The following TAB2 variants were observed in gnomAD, a reference collection of about 807,000 sequenced individuals.
TAB2 encodes the protein TGF-beta-activated kinase 1 and MAP3K7-binding protein 2.
In TAB2, 3 loss-of-function variants were observed where a neutral mutation model predicts 65.0. That is an observed-to-expected ratio of 0.05 (90% CI 0.02 to 0.12). TAB2 has a LOEUF of 0.12. TAB2 is among the 10% of genes least tolerant of loss of function. The probability of loss-of-function intolerance (pLI) is 1.00; values close to 1 mark genes in which losing one functional copy is unlikely to be tolerated. For synonymous variants in TAB2, 298 were observed against 285.1 expected (o/e 1.05, Z -0.46); for missense variants, 623 against 840.3 (o/e 0.74, Z 3.20).
intron 1 of TAB2, among the ~76,000 whole-genome samples, chr6:149,223,658 A>G (rs950492440): frequency 3.9e-5 from 6 of 152,194 alleles, no homozygotes; most frequent in East Asian, 1.9e-4. Flanking sequence ...CTACCGTTTT[A>G]GAGAGTTCTC....
intron 6 of TAB2, among the ~76,000 whole-genome samples, chr6:149,401,999 A>G (rs79003392): frequency 1.3e-3 from 105 of 82,332 alleles, no homozygotes; most frequent in Middle Eastern, 0.011. Flanking sequence ...ATACTACATT[A>G]AAAAAAAAAA....
upstream of TAB2, among the ~76,000 whole-genome samples, chr6:149,317,014 C>T (rs1308206871): frequency 6.6e-6 from 1 of 150,636 alleles, no homozygotes; most frequent in African/African-American, 2.4e-5. This position sits in a 1 kb window ranked among gnomAD's most constrained non-coding sequence, Gnocchi z 4.7. Context: ...CCCACCTGCT[C>T]CTCTCGGCCG....
rs79288259 is a variant in TAB2, at chr6:149,232,649, G to T, written c.-121+13873G>T. Among the ~76,000 whole-genome samples, 581 of 152,302 alleles carry T rather than the reference G, an allele frequency of 3.8e-3. 2 individuals carry two copies. The highest frequency in any genetic ancestry group is 6.3e-3 in the Non-Finnish European group (431 of 68,022). The stretch of plus-strand genomic sequence containing the variant: ...ATGCCTTGTTCAAACCATAGAAGTG[G>T]GGGGAGGGTATCACTGAACTGGATA... On this transcript the variant is annotated intron_variant, in intron 1 of 1. Coordinates refer to the TAB2 transcript ENST00000606202.
intron 1 of TAB2, chr6:149,257,465 A>G (rs570490567): frequency 1.2e-4 from 18 of 151,878 alleles, no homozygotes; most frequent in African/African-American, 4.3e-4. Flanking sequence ...CTTTAAAATG[A>G]CTCTGCTTTT....
At chr6:149,279,931 T>A (rs954384899) in intron 1 of TAB2, among the ~76,000 whole-genome samples, 1 of 152,196 alleles carries the variant, frequency 6.6e-6, no homozygotes, top group Non-Finnish European at 1.5e-5. Flanking sequence ...GATCTGGAAA[T>A]CAGTTTGACC....
intron 3 of TAB2, among the ~76,000 whole-genome samples, chr6:149,392,525 C>T (rs1296308903): frequency 1.3e-5 from 2 of 152,190 alleles, no homozygotes; most frequent in Non-Finnish European, 2.9e-5. Flanking sequence ...TTTCCTAACT[C>T]CTGCCTTCTG....
chr6:149,384,128 C>T (rs1019949147), intron 3 of TAB2, among the ~76,000 whole-genome samples: 1 of 152,106 alleles, frequency 6.6e-6, no homozygotes, highest in African/African-American at 2.4e-5. Flanking sequence ...TTTTCTAATG[C>T]TCCTGGAAAT....
At chr6:149,326,667 C>G (rs144041359) in intron 1 of TAB2, among the ~76,000 whole-genome samples, 2,393 of 152,078 alleles carry the variant, frequency 0.016, 52 homozygotes, top group South Asian at 0.097. Context: ...CCTGCCTCAG[C>G]GTCCTGAGTA....
At chr6:149,363,006 C>T (rs1780904648) in intron 1 of TAB2, among the ~76,000 whole-genome samples, 1 of 152,148 alleles carries the variant, frequency 6.6e-6, no homozygotes, top group Non-Finnish European at 1.5e-5. Context: ...TAATATTCTA[C>T]AGTTTTTTAA....
intron 2 of TAB2, 23 bp from the exon 3 acceptor site, chr6:149,377,995 A>G (rs773051382): frequency 3.6e-5 from 57 of 1,601,376 alleles, no homozygotes; most frequent in Non-Finnish European, 1.7e-6. Flanking sequence ...GTTAACATCA[A>G]TCAATTTATT....
intron 1 of TAB2, among the ~76,000 whole-genome samples, chr6:149,325,892 A>G (rs1779601874): frequency 1.3e-5 from 2 of 152,182 alleles, no homozygotes; most frequent in Admixed American, 1.3e-4. Context: ...GATGCGTACC[A>G]CAACGCTCAG....
chr6:149,248,455 A>AGGAAGGAAGGAAGGAAGGAAGGAAG (rs1777782503), intron 1 of TAB2, among the ~76,000 whole-genome samples: 2 of 56,578 alleles, frequency 3.5e-5, no homozygotes, highest in African/African-American at 1.3e-4. Flanking sequence ...AAGGAAGAAA[A>AGGAAGGAAGGAAGGAAGGAAGGAAG]GAAGGAAGGA....
chr6:149,260,215 T>C (rs1186931924), intron 1 of TAB2, among the ~76,000 whole-genome samples: 1 of 152,228 alleles, frequency 6.6e-6, no homozygotes, highest in Non-Finnish European at 1.5e-5. Context: ...GGACAGCCCC[T>C]GGCATCACTC....
chr6:149,332,945 A>G (rs1469081565), intron 1 of TAB2, among the ~76,000 whole-genome samples: 1 of 152,172 alleles, frequency 6.6e-6, no homozygotes, highest in African/African-American at 2.4e-5. Context: ...AGCTCCAATA[A>G]TATTTCCTTA....
intron 3 of TAB2, among the ~76,000 whole-genome samples, chr6:149,391,186 A>G (rs1781970829): frequency 6.6e-6 from 1 of 152,154 alleles, no homozygotes; most frequent in African/African-American, 2.4e-5. Context: ...AAATGTAGTG[A>G]TTTCCTTATC....
chr6:149,305,707 AT>A (rs1376750625), intron 1 of TAB2, among the ~76,000 whole-genome samples: 2 of 152,174 alleles, frequency 1.3e-5, no homozygotes, highest in Non-Finnish European at 2.9e-5. Flanking sequence ...TTTCACTTTT[AT>A]TTAAAGAAAT....
At chr6:149,289,400 A>AG (rs1778734470) in intron 1 of TAB2, among the ~76,000 whole-genome samples, 1 of 151,828 alleles carries the variant, frequency 6.6e-6, no homozygotes, top group South Asian at 2.1e-4. Flanking sequence ...TCTCTAAAAA[A>AG]AAAAAAGGCC....
chr6:149,391,783 C>G (rs755995809), intron 3 of TAB2, among the ~76,000 whole-genome samples: 12 of 152,056 alleles, frequency 7.9e-5, no homozygotes, highest in Non-Finnish European at 1.3e-4. Flanking sequence ...TCAAATGACT[C>G]TCCCTCCTAG....
intron 1 of TAB2, among the ~76,000 whole-genome samples, chr6:149,348,702 G>C (rs1780385350): frequency 6.6e-6 from 1 of 151,936 alleles, no homozygotes; most frequent in Non-Finnish European, 1.5e-5. Context: ...AGTGGCTCAT[G>C]CTTGTAATAC....
Sources: gnomAD v4.1 joint callset for allele counts (sites outside exome capture counted in the v4.1 genomes callset) on GRCh38, gnomAD v4.1.1 for gene constraint, Gnocchi (gnomAD v3.1) non-coding constraint, MANE v1.5 for transcripts, NCBI Gene and HGNC (gene_info 2026-07-23, HGNC 2026-07-21) for gene names.